The following PTPRK variants were observed in gnomAD, a reference collection of about 807,000 sequenced individuals.
PTPRK encodes the protein receptor-type tyrosine-protein phosphatase kappa.
Under a neutral mutation model 178.0 loss-of-function variants are expected in PTPRK, and 75 were observed. The observed-to-expected ratio is 0.42, with a 90% CI of 0.35 to 0.51. PTPRK has a LOEUF of 0.51. PTPRK is among the 20% of genes least tolerant of loss of function. The pLI is 0.02. For synonymous variants in PTPRK, 637 were observed against 620.6 expected (o/e 1.03, Z -0.39); for missense variants, 1,441 against 1,797.8 (o/e 0.80, Z 3.59).
At chr6:128,199,631 A>C (rs925317571) in intron 6 of PTPRK, among the ~76,000 whole-genome samples, 15 of 151,962 alleles carry the variant, frequency 9.9e-5, no homozygotes, top group African/African-American at 3.6e-4. Context: ...GAAACAAACT[A>C]AACTCTTAAC....
intron 3 of PTPRK, among the ~76,000 whole-genome samples, chr6:128,260,044 T>C (rs1395975679): frequency 6.6e-6 from 1 of 152,218 alleles, no homozygotes; most frequent in African/African-American, 2.4e-5. Flanking sequence ...TCACTTTTCA[T>C]TTTACTGATG....
intron 1 of PTPRK, among the ~76,000 whole-genome samples, chr6:128,415,517 A>AT (rs1423542069): frequency 6.6e-6 from 1 of 151,816 alleles, no homozygotes; most frequent in African/African-American, 2.4e-5. Flanking sequence ...AAAAAAAAAA[A>AT]AAATTATTCT....
chr6:128,195,080 A>AC (rs1404861585), intron 6 of PTPRK, among the ~76,000 whole-genome samples: 2 of 150,736 alleles, frequency 1.3e-5, no homozygotes, highest in Non-Finnish European at 2.9e-5. Flanking sequence ...TAGTTTAAAA[A>AC]AATTATTAAA....
At chr6:128,175,164 T>G (rs968966482) in intron 7 of PTPRK, among the ~76,000 whole-genome samples, 1 of 151,862 alleles carries the variant, frequency 6.6e-6, no homozygotes, top group African/African-American at 2.4e-5. Flanking sequence ...TAGTCTTGGT[T>G]TTTCTCCTAC....
At chr6:128,125,777 T>A (rs956726554) in intron 7 of PTPRK, among the ~76,000 whole-genome samples, 3 of 151,782 alleles carry the variant, frequency 2.0e-5, no homozygotes, top group African/African-American at 7.3e-5. Context: ...ACCTGGCTAA[T>A]TTTTGTATTT....
intron 3 of PTPRK, among the ~76,000 whole-genome samples, chr6:128,252,117 A>G (rs1169058398): frequency 2.0e-5 from 3 of 152,244 alleles, no homozygotes. Flanking sequence ...GACTTCATAC[A>G]AAAGTAGCCT....
intron 8 of PTPRK, among the ~76,000 whole-genome samples, chr6:128,086,890 ATAAT>A (rs929325057): frequency 3.3e-5 from 5 of 152,120 alleles, no homozygotes; most frequent in Admixed American, 3.3e-4. Context: ...GAAACTTAAT[ATAAT>A]TAAAACTGGA....
intron 11 of PTPRK, among the ~76,000 whole-genome samples, chr6:128,069,604 C>T (rs993131738): frequency 1.3e-5 from 2 of 152,054 alleles, no homozygotes; most frequent in Non-Finnish European, 2.9e-5. Context: ...CTCATACATG[C>T]TCTCCAAACA....
chr6:128,324,342 G>A (rs2128322289), intron 2 of PTPRK, among the ~76,000 whole-genome samples: 1 of 152,098 alleles, frequency 6.6e-6, no homozygotes, highest in South Asian at 2.1e-4. Flanking sequence ...ATAAACTTTG[G>A]AGTAAAAATA....
chr6:127,992,644 C>T (rs1776739291), intron 19 of PTPRK, 29 bp downstream of exon 19: 1 of 1,569,606 alleles, frequency 6.4e-7, no homozygotes, highest in Admixed American at 1.9e-5. Flanking sequence ...TTTGTTTTTT[C>T]TATAACATTT....
chr6:128,115,906 T>C (rs1356382978), intron 7 of PTPRK, among the ~76,000 whole-genome samples: 6 of 152,070 alleles, frequency 3.9e-5, no homozygotes, highest in Admixed American at 1.3e-4. Flanking sequence ...TGAAAATGTG[T>C]TTTTTATCTG....
intron 1 of PTPRK, among the ~76,000 whole-genome samples, chr6:128,472,305 G>A (rs1483397741): frequency 1.3e-5 from 2 of 151,970 alleles, no homozygotes; most frequent in African/African-American, 4.8e-5. Flanking sequence ...TATGTCACAG[G>A]TGGTGCACCC....
In PTPRK at chr6:128,221,529, A is replaced by AT. The variant is rs1257753943; in HGVS notation, c.694-2434_694-2433insA. Among the ~76,000 whole-genome samples the AT allele has an allele frequency of 3.4e-5, 5 of 146,360 alleles. No homozygotes were observed. In the East Asian group the frequency reaches 9.8e-4, roughly 29 times the overall value. ...ATAGAGCAAGATTCTGTCTCAAAAAAAAAAAAAATAATAATAATAATAATA... is the reference window on the plus strand; with the variant it reads ...ATAGAGCAAGATTCTGTCTCAAAAAATAAAAAAAATAATAATAATAATAATA... On this transcript the variant is annotated intron_variant, in intron 5 of 29. Coordinates refer to ENST00000368226, the MANE Select transcript of PTPRK (RefSeq NM_002844.4).
At chr6:128,351,539 G>C (rs918231208) in intron 2 of PTPRK, among the ~76,000 whole-genome samples, 12 of 152,176 alleles carry the variant, frequency 7.9e-5, no homozygotes, top group Admixed American at 2.6e-4. Flanking sequence ...GAATGTTCCT[G>C]GTAGCTCATT....
chr6:128,380,013 T>C (rs1190047521), intron 2 of PTPRK, among the ~76,000 whole-genome samples: 8 of 152,114 alleles, frequency 5.3e-5, no homozygotes, highest in Admixed American at 5.3e-4. Context: ...AGCATTCCCA[T>C]GGACAATAGG....
chr6:128,308,344 C>T (rs886128801), intron 3 of PTPRK, among the ~76,000 whole-genome samples: 4 of 151,664 alleles, frequency 2.6e-5, no homozygotes, highest in Admixed American at 2.0e-4. Context: ...AAGATTAAGT[C>T]GATTTCCATA....
In PTPRK at chr6:127,991,177, T is replaced by C. The variant is rs182420003; in HGVS notation, c.2979+117A>G. On this transcript the variant is annotated intron_variant, in intron 20 of 29. Transcript: ENST00000368226. ...TCTACTTAGAAGTACTCAACTAAAA[T>C]GTTGTGCCTATAATTTTTTTTAAAC... is the stretch of plus-strand genomic sequence containing the variant. 95 of 739,496 alleles carry C rather than the reference T, an allele frequency of 1.3e-4. 1 individual carries two copies. In the East Asian group the frequency reaches 2.7e-3, roughly 21 times the overall value. 45.8% of individuals were successfully genotyped at this position (739,496 alleles called of 1,614,324 possible). A position where few individuals can be genotyped will look rare whatever the true frequency, so the allele number is the denominator to read the frequency against.
At chr6:128,115,166 A>C (rs1010261115) in intron 7 of PTPRK, among the ~76,000 whole-genome samples, 2 of 151,936 alleles carry the variant, frequency 1.3e-5, no homozygotes, top group African/African-American at 4.8e-5. Flanking sequence ...ATACCCCAAA[A>C]TCATACAGGT....
chr6:127,998,232 C>T (rs1024774637), intron 16 of PTPRK, among the ~76,000 whole-genome samples: 5 of 151,770 alleles, frequency 3.3e-5, no homozygotes, highest in East Asian at 1.9e-4. Flanking sequence ...TCTCAGCCAC[C>T]CTCAACCAAT....
Sources: gnomAD v4.1 joint callset for allele counts (sites outside exome capture counted in the v4.1 genomes callset) on GRCh38, gnomAD v4.1.1 for gene constraint, MANE v1.5 for transcripts, NCBI Gene and HGNC (gene_info 2026-07-23, HGNC 2026-07-21) for gene names.